Variants in ACYP2 observed in about 807,000 individuals in gnomAD.
The protein encoded by ACYP2 is acylphosphatase 2.
ACYP2 carries 12 observed loss-of-function variants against 11.2 expected under a neutral mutation model. The observed-to-expected ratio is 1.08, with a 90% CI of 0.69 to 1.74. The LOEUF (loss-of-function observed/expected upper bound fraction) is 1.74. Among genes scored for constraint, ACYP2 ranks in the 40% most tolerant of loss-of-function variants. The probability of loss-of-function intolerance (pLI) is 0.00; values close to 1 mark genes in which losing one functional copy is unlikely to be tolerated. For missense variants in ACYP2, 134 were observed against 101.9 expected (o/e 1.31, Z -1.35); for synonymous variants, 43 against 32.2 (o/e 1.33, Z -1.13).
chr2:54,175,845 A>C (rs1683435240), intron 6 of ACYP2, among the ~76,000 whole-genome samples: 1 of 152,090 alleles, frequency 6.6e-6, no homozygotes, highest in African/African-American at 2.4e-5. Context: ...CTCCAAAATC[A>C]TATGTTGAAA....
chr2:54,214,914 A>G lies in ACYP2; in HGVS notation c.404+76166A>G, dbSNP rs184627930. On this transcript the variant is annotated intron_variant, in intron 6 of 6. Transcript: ENST00000607452. Reference sequence around the variant, plus strand: ...ATGTTTTTCCATTTGTTTGTATCATATCTGATGTTTTTCAGCAGTGTTTTG... The same window carrying G: ...ATGTTTTTCCATTTGTTTGTATCATGTCTGATGTTTTTCAGCAGTGTTTTG... 7.2e-4 allele frequency among the ~76,000 whole-genome samples: 109 copies of G among 152,190 alleles called. 1 individual carries two copies. Among genetic ancestry groups the G allele is most frequent in the Non-Finnish European group, 2.6e-4 (18 of 67,996 alleles).
At chr2:54,202,121 G>A (rs1007169438) in intron 6 of ACYP2, among the ~76,000 whole-genome samples, 4 of 151,756 alleles carry the variant, frequency 2.6e-5, no homozygotes, top group Admixed American at 2.0e-4. Context: ...ATTGTTTTGC[G>A]ATTGGCTATC....
intron 6 of ACYP2, among the ~76,000 whole-genome samples, chr2:54,249,852 A>T (rs1281225658): frequency 1.3e-5 from 2 of 149,066 alleles, no homozygotes; most frequent in Admixed American, 6.8e-5. Context: ...GCTGAGGCAG[A>T]TCACTTGAGC....
chr2:54,234,833 G>C (rs990335258), intron 6 of ACYP2, among the ~76,000 whole-genome samples: 3 of 152,072 alleles, frequency 2.0e-5, no homozygotes, highest in Non-Finnish European at 4.4e-5. Flanking sequence ...TAAAGCATCA[G>C]GGTTTAGCCA....
intron 4 of ACYP2, among the ~76,000 whole-genome samples, chr2:54,108,598 A>G (rs781324838): frequency 4.6e-5 from 7 of 152,112 alleles, no homozygotes; most frequent in Non-Finnish European, 8.8e-5. Flanking sequence ...TGTGTTGCCT[A>G]CTTTTTGTCT....
In ACYP2 at chr2:54,100,264, C is replaced by CAAAGAATGTTTCTAGTTTTATGTTA. The variant is rs539560560; in HGVS notation, c.278-35185_278-35161dup. On this transcript the variant is annotated intron_variant, in intron 4 of 6. Coordinates refer to ENST00000607452, the MANE Select transcript of ACYP2 (RefSeq NM_001320586.2). ...TCAGTGTTAGAACTCCTATGCCAGT[C>CAAAGAATGTTTCTAGTTTTATGTTA]AAAGAATGTTTCTAGTTTTATGTTA... Among the ~76,000 whole-genome samples, 284 of 151,004 alleles carry CAAAGAATGTTTCTAGTTTTATGTTA rather than the reference C, an allele frequency of 1.9e-3. 2 individuals carry two copies. Among genetic ancestry groups the CAAAGAATGTTTCTAGTTTTATGTTA allele is most frequent in the African/African-American group, 6.6e-3 (270 of 41,160 alleles).
At chr2:54,176,335 A>T (rs1188324973) in intron 6 of ACYP2, among the ~76,000 whole-genome samples, 2 of 152,166 alleles carry the variant, frequency 1.3e-5, no homozygotes, top group Non-Finnish European at 2.9e-5. Flanking sequence ...GAAGACAGGA[A>T]TTGGAGCAGC....
At chr2:54,015,499 A>T (rs1673628135) in intron 2 of ACYP2, among the ~76,000 whole-genome samples, 1 of 151,686 alleles carries the variant, frequency 6.6e-6, no homozygotes, top group African/African-American at 2.4e-5. Flanking sequence ...AAATACAAAA[A>T]GTCAGCCAGG....
chr2:53,987,957 A>G (rs977997154), intron 2 of ACYP2, among the ~76,000 whole-genome samples: 1 of 151,882 alleles, frequency 6.6e-6, no homozygotes, highest in Non-Finnish European at 1.5e-5. Flanking sequence ...CAAATATTTT[A>G]TTTCTGTAGT....
chr2:54,106,204 T>A (rs1679147822), intron 4 of ACYP2, among the ~76,000 whole-genome samples: 1 of 152,190 alleles, frequency 6.6e-6, no homozygotes, highest in Admixed American at 6.5e-5. Flanking sequence ...TTCATCACTA[T>A]TATCAACCTT....
At chr2:54,061,641 A>C (rs1352599748) in intron 4 of ACYP2, among the ~76,000 whole-genome samples, 1 of 152,222 alleles carries the variant, frequency 6.6e-6, no homozygotes. Flanking sequence ...ATTTATGAGA[A>C]GGTTTTAGAA....
chr2:54,295,993 T>A (rs1418236401), intron 6 of ACYP2, among the ~76,000 whole-genome samples: 1 of 151,974 alleles, frequency 6.6e-6, no homozygotes, highest in Non-Finnish European at 1.5e-5. Context: ...ATTCCTGGCC[T>A]CAAGTGATCT....
chr2:54,081,401 A>G (rs1287029968), intron 4 of ACYP2, among the ~76,000 whole-genome samples: 1 of 152,226 alleles, frequency 6.6e-6, no homozygotes. Flanking sequence ...CCATAAGATT[A>G]TAATATTGTA....
At chr2:54,288,704 G>C (rs568408873) in intron 6 of ACYP2, among the ~76,000 whole-genome samples, 1 of 152,098 alleles carries the variant, frequency 6.6e-6, no homozygotes, top group African/African-American at 2.4e-5. Flanking sequence ...GAAGAGCTTT[G>C]GCAACTCCAC....
At chr2:54,087,357 C>CT (rs971974106) in intron 4 of ACYP2, among the ~76,000 whole-genome samples, 164 of 151,754 alleles carry the variant, frequency 1.1e-3, no homozygotes, top group African/African-American at 3.0e-3. Context: ...TTTTTCTTTT[C>CT]TTTTTTTTGA....
chr2:54,158,136 C>T (rs569183692), intron 6 of ACYP2, among the ~76,000 whole-genome samples: 2 of 151,940 alleles, frequency 1.3e-5, no homozygotes, highest in East Asian at 3.9e-4. Flanking sequence ...AGCAATTCTC[C>T]TGCTTCAGCC....
chr2:54,248,765 A>C (rs1687075103), intron 6 of ACYP2, among the ~76,000 whole-genome samples: 1 of 152,208 alleles, frequency 6.6e-6, no homozygotes, highest in Non-Finnish European at 1.5e-5. Context: ...TTGAGTGACA[A>C]ATATAAACTA....
chr2:54,228,951 G>A (rs1686118699), intron 6 of ACYP2, among the ~76,000 whole-genome samples: 1 of 152,118 alleles, frequency 6.6e-6, no homozygotes, highest in Non-Finnish European at 1.5e-5. Context: ...TCAAAGTAGA[G>A]GCAGCATTTC....
intron 6 of ACYP2, chr2:54,267,238 C>T: frequency 6.6e-7 from 1 of 1,521,998 alleles, no homozygotes; most frequent in Non-Finnish European, 8.8e-7. Flanking sequence ...AAAGAAGCTC[C>T]CAATAAAAAC....
Sources: allele counts gnomAD v4.1 joint callset (sites outside exome capture counted in the v4.1 genomes callset), GRCh38; gene constraint gnomAD v4.1.1; transcripts MANE v1.5; gene names NCBI Gene and HGNC (gene_info 2026-07-23, HGNC 2026-07-21).